The following ATP8B4 variants were observed in gnomAD, a reference collection of about 807,000 sequenced individuals.
The protein encoded by ATP8B4 is probable phospholipid-transporting ATPase IM.
Under a neutral mutation model 145.6 loss-of-function variants are expected in ATP8B4, and 133 were observed. The observed-to-expected ratio is 0.91, with a 90% CI of 0.79 to 1.05. The LOEUF is 1.05. Ranked by LOEUF, ATP8B4 falls within the 50% of genes least tolerant of loss-of-function variation. The pLI is 0.00. For synonymous variants in ATP8B4, 507 were observed against 492.9 expected (o/e 1.03, Z -0.38); for missense variants, 1,458 against 1,425.2 (o/e 1.02, Z -0.37).
At position 49,879,472 on chromosome 15, in the gene ATP8B4, A is replaced by G. The variant is rs1385434116; in HGVS notation, c.2698-13T>C. On this transcript the variant is annotated splice_polypyrimidine_tract_variant and intron_variant, in intron 23 of 27. Transcript: ENST00000284509. Reference sequence around the variant, plus strand: ...GGTCATAAACAGTCTGAAAAGAAATATAACATATAAGTGAGAAACATCATC... The same window carrying G: ...GGTCATAAACAGTCTGAAAAGAAATGTAACATATAAGTGAGAAACATCATC... 1.3e-6 allele frequency: 2 copies of G among 1,577,406 alleles called. No individual in the cohort carries two copies. The highest frequency in any genetic ancestry group is 2.2e-5 in the East Asian group (1 of 44,594).
chr15:50,172,567 C>G (rs1425436809), intron 1 of ATP8B4, among the ~76,000 whole-genome samples: 1 of 151,962 alleles, frequency 6.6e-6, no homozygotes, highest in African/African-American at 2.4e-5. Flanking sequence ...GCCGCCACCC[C>G]ATCTGGGAAG....
chr15:50,065,016 C>T (rs965426183), intron 3 of ATP8B4, among the ~76,000 whole-genome samples: 1 of 152,030 alleles, frequency 6.6e-6, no homozygotes, highest in South Asian at 2.1e-4. Context: ...CCAACACTAG[C>T]GATGACAATT....
intron 13 of ATP8B4, among the ~76,000 whole-genome samples, chr15:49,969,329 T>A (rs778387451): frequency 1.3e-5 from 2 of 151,872 alleles, no homozygotes; most frequent in African/African-American, 4.8e-5. Flanking sequence ...AATCAATGAG[T>A]CCAGGAGCTG....
intron 3 of ATP8B4, among the ~76,000 whole-genome samples, 174 bp downstream of exon 3, chr15:50,073,953 A>G (rs1193533282): frequency 1.3e-5 from 2 of 152,194 alleles, no homozygotes; most frequent in Non-Finnish European, 2.9e-5. Flanking sequence ...GGAGAGAAAT[A>G]TGTTTGTAAA....
intron 13 of ATP8B4, 64 bp downstream of exon 13, chr15:49,972,518 A>C: frequency 6.7e-7 from 1 of 1,503,196 alleles, no homozygotes; most frequent in Non-Finnish European, 9.0e-7. Flanking sequence ...TTTTTTTTTA[A>C]TGGGGTCAGT....
At chr15:50,014,946 T>C (rs954267385) in intron 6 of ATP8B4, among the ~76,000 whole-genome samples, 1 of 152,218 alleles carries the variant, frequency 6.6e-6, no homozygotes, top group Non-Finnish European at 1.5e-5. Context: ...AGGATATTTA[T>C]TGCAGCATTA....
chr15:50,146,744 T>C (rs990689906), intron 1 of ATP8B4, among the ~76,000 whole-genome samples: 11 of 152,104 alleles, frequency 7.2e-5, no homozygotes, highest in African/African-American at 2.2e-4. Flanking sequence ...AGGGTTGTAT[T>C]GGGTAAAAGG....
At chr15:50,063,611 T>A (rs1742267364) in intron 3 of ATP8B4, among the ~76,000 whole-genome samples, 1 of 152,118 alleles carries the variant, frequency 6.6e-6, no homozygotes, top group Non-Finnish European at 1.5e-5. Context: ...ATTAATAGAC[T>A]CAACAGTCAC....
At chr15:50,053,074 G>C (rs2052317351) in intron 3 of ATP8B4, among the ~76,000 whole-genome samples, 1 of 152,216 alleles carries the variant, frequency 6.6e-6, no homozygotes, top group Admixed American at 6.5e-5. Context: ...GCTTGGATCA[G>C]GGTGGGGACA....
intron 9 of ATP8B4, among the ~76,000 whole-genome samples, chr15:49,990,608 G>C (rs2046974336): frequency 6.6e-6 from 1 of 152,156 alleles, no homozygotes; most frequent in East Asian, 1.9e-4. Flanking sequence ...TCTAGATTTA[G>C]TCAGCTGGAT....
intron 20 of ATP8B4, among the ~76,000 whole-genome samples, chr15:49,909,708 T>C (rs8038516): frequency 0.59 from 81,478 of 137,200 alleles, 25,420 homozygotes; most frequent in African/African-American, 0.74. Context: ...ACAGACACCA[T>C]TGGCTTTGTT....
intron 2 of ATP8B4, among the ~76,000 whole-genome samples, chr15:50,102,593 T>C (rs1418570864): frequency 6.6e-6 from 1 of 151,854 alleles, no homozygotes; most frequent in Non-Finnish European, 1.5e-5. Flanking sequence ...GAGATTGAAA[T>C]GGTAATTTAA....
At chr15:49,950,186 G>T (rs967523199) in intron 14 of ATP8B4, among the ~76,000 whole-genome samples, 1 of 152,132 alleles carries the variant, frequency 6.6e-6, no homozygotes, top group Non-Finnish European at 1.5e-5. Context: ...AAATGAGTAT[G>T]GAGGAGTCCC....
intron 3 of ATP8B4, among the ~76,000 whole-genome samples, chr15:50,070,954 G>A (rs1048696613): frequency 1.3e-5 from 2 of 152,072 alleles, no homozygotes; most frequent in Admixed American, 6.6e-5. Flanking sequence ...TATTGGCCAG[G>A]CTGGTCTCAA....
intron 2 of ATP8B4, among the ~76,000 whole-genome samples, chr15:50,083,338 A>G (rs1192351542): frequency 7.7e-6 from 1 of 129,054 alleles, no homozygotes; most frequent in African/African-American, 3.4e-5. Flanking sequence ...TTCTTTTACA[A>G]TTAGATTATC....
chr15:50,016,784 C>T (rs947437114), intron 6 of ATP8B4, among the ~76,000 whole-genome samples: 6 of 152,212 alleles, frequency 3.9e-5, no homozygotes, highest in African/African-American at 1.4e-4. Flanking sequence ...GTGGGCAGCA[C>T]TCCTGACAGC....
Position 49,889,041 on chromosome 15 carries a change from G to T in ATP8B4, c.2697+8251C>A, listed in dbSNP as rs1323443378. Among the ~76,000 whole-genome samples the T allele has an allele frequency of 2.6e-5, 4 of 151,912 alleles. No individual in the cohort carries two copies. The East Asian group carries it at 7.7e-4, about 29-fold the overall frequency. On this transcript the variant is annotated intron_variant, in intron 23 of 27. Coordinates refer to ENST00000284509, the MANE Select transcript of ATP8B4 (RefSeq NM_024837.4). ...AGTCATATTGAACTGAGTGTTTCTG[G>T]ATATTTCTCCTTTAGATTCCAAATA...
chr15:50,046,001 T>A (rs1388042539), intron 4 of ATP8B4, among the ~76,000 whole-genome samples: 1 of 152,222 alleles, frequency 6.6e-6, no homozygotes, highest in African/African-American at 2.4e-5. Flanking sequence ...GTTTTCCTGA[T>A]CAGCACCCAG....
chr15:50,082,324 C>T (rs573277757), intron 2 of ATP8B4, among the ~76,000 whole-genome samples: 2 of 152,110 alleles, frequency 1.3e-5, no homozygotes, highest in Admixed American at 6.5e-5. Flanking sequence ...TGGTGACCTG[C>T]GGCTTCTGGA....
Sources: allele counts gnomAD v4.1 joint callset (sites outside exome capture counted in the v4.1 genomes callset), GRCh38; gene constraint gnomAD v4.1.1; transcripts MANE v1.5; gene names NCBI Gene and HGNC (gene_info 2026-07-23, HGNC 2026-07-21).